Variants in KCNMB4 observed in about 807,000 individuals in gnomAD.
The protein encoded by KCNMB4 is potassium calcium-activated channel subfamily M regulatory beta subunit 4, also known as calcium-activated potassium channel subunit beta-4.
A neutral mutation model predicts 20.7 loss-of-function variants in KCNMB4; 3 were observed. The observed-to-expected ratio is 0.14, with a 90% CI of 0.07 to 0.37. KCNMB4 has a LOEUF of 0.37. Among genes scored for constraint, KCNMB4 ranks in the 10% least tolerant of loss-of-function variants. The pLI, the probability that KCNMB4 is intolerant of heterozygous loss-of-function variation, is 1.00. For missense variants in KCNMB4, 168 were observed against 265.9 expected, an observed-to-expected ratio of 0.63 and a Z score of 2.56; for synonymous variants, 110 against 113.4, an observed-to-expected ratio of 0.97 and a Z score of 0.19.
intron 2 of KCNMB4, among the ~76,000 whole-genome samples, chr12:70,407,378 C>T (rs1868633684): frequency 6.7e-6 from 1 of 149,672 alleles, no homozygotes; most frequent in Admixed American, 6.6e-5. Context: ...TTGATTACAG[C>T]ATTGGCCCTT....
At chr12:70,390,947 C>G (rs4570631) in intron 1 of KCNMB4, among the ~76,000 whole-genome samples, 2 of 152,154 alleles carry the variant, frequency 1.3e-5, no homozygotes, top group Non-Finnish European at 1.5e-5. Flanking sequence ...CCTTTCTGCT[C>G]TATACTACTC....
At chr12:70,391,221 G>A (rs1868296362) in intron 1 of KCNMB4, among the ~76,000 whole-genome samples, 1 of 152,148 alleles carries the variant, frequency 6.6e-6, no homozygotes, top group South Asian at 2.1e-4. Flanking sequence ...AATCTTAGAT[G>A]TCCTGTGATC....
intron 2 of KCNMB4, 120 bp from the exon 3 acceptor site, chr12:70,430,365 A>G: frequency 9.9e-7 from 1 of 1,011,476 alleles, no homozygotes; most frequent in Non-Finnish European, 1.5e-6. Flanking sequence ...TTATAGTCAG[A>G]GTGCAGCCTT....
intron 1 of KCNMB4, among the ~76,000 whole-genome samples, chr12:70,388,815 G>T (rs978312775): frequency 1.3e-5 from 2 of 152,118 alleles, no homozygotes; most frequent in African/African-American, 4.8e-5. Flanking sequence ...CCTTGCATAT[G>T]GTAAGCCTTC....
intron 1 of KCNMB4, among the ~76,000 whole-genome samples, chr12:70,396,894 G>T (rs933459677): frequency 1.3e-5 from 2 of 152,132 alleles, no homozygotes; most frequent in Non-Finnish European, 2.9e-5. Context: ...CCGTGCTTTG[G>T]ACTTTCATTT....
intron 1 of KCNMB4, among the ~76,000 whole-genome samples, chr12:70,383,244 A>T (rs1426877718): frequency 6.6e-6 from 1 of 152,202 alleles, no homozygotes; most frequent in Non-Finnish European, 1.5e-5. Flanking sequence ...ACATCACGTT[A>T]TATACCTTAA....
intron 1 of KCNMB4, among the ~76,000 whole-genome samples, chr12:70,374,925 G>C (rs1883659620): frequency 6.6e-6 from 1 of 152,084 alleles, no homozygotes; most frequent in Non-Finnish European, 1.5e-5. Flanking sequence ...TTTGTTCTTT[G>C]TAATAAATAT....
Position 70,408,176 on chromosome 12 carries a change from C to A in KCNMB4, c.464+7840C>A, listed in dbSNP as rs532566033. Among the ~76,000 whole-genome samples, 9 of 152,150 alleles carry A rather than the reference C, an allele frequency of 5.9e-5. No individual in the cohort carries two copies. In the East Asian group the frequency reaches 1.6e-3, roughly 26 times the overall value. On this transcript the variant is annotated intron_variant, in intron 2 of 2. Coordinates refer to ENST00000258111, the MANE Select transcript of KCNMB4 (RefSeq NM_014505.6). ...CAGCACTCAAGACAGGATTTTTCAG[C>A]GACTCTGGGAAGGCAGGCGTTCGGA...
chr12:70,392,404 G>A (rs1033513966), intron 1 of KCNMB4, among the ~76,000 whole-genome samples: 2 of 152,140 alleles, frequency 1.3e-5, no homozygotes, highest in Non-Finnish European at 1.5e-5. Flanking sequence ...AACCATTGTG[G>A]AAGACAATGT....
intron 2 of KCNMB4, among the ~76,000 whole-genome samples, chr12:70,427,699 T>G (rs1869249063): frequency 6.6e-6 from 1 of 152,238 alleles, no homozygotes; most frequent in Non-Finnish European, 1.5e-5. Context: ...GTTATTATTT[T>G]TCTCTCCTCC....
At chr12:70,367,174 T>C in intron 1 of KCNMB4, 104 bp downstream of exon 1, 1 of 864,814 alleles carries the variant, frequency 1.2e-6, no homozygotes, top group Non-Finnish European at 1.7e-6. Flanking sequence ...CTCGCATTGC[T>C]AGGAGGAGAC....
rs1466761701 is a variant in KCNMB4, at chr12:70,434,042, C to T, written c.*3389C>T. ...GTTTGACTGCTGACATCTTTCAAGA[C>T]TCACCTTTCCCTTCTCCCTTATGCT... is the stretch of plus-strand genomic sequence containing the variant. On this transcript the variant is annotated 3_prime_UTR_variant, in exon 3 of 3. Transcript: ENST00000258111. 1.3e-5 allele frequency: 2 copies of T among 152,188 alleles called. No individual in the cohort carries two copies. The highest frequency in any genetic ancestry group is 4.8e-5 in the African/African-American group (2 of 41,434). The allele number at this position is 152,188 out of a possible 1,614,324, so 9.4% of individuals were successfully genotyped here. A position where few individuals can be genotyped will look rare whatever the true frequency, so the allele number is the denominator to read the frequency against.
intron 2 of KCNMB4, among the ~76,000 whole-genome samples, chr12:70,401,161 G>A (rs774571083): frequency 6.6e-6 from 1 of 152,058 alleles, no homozygotes; most frequent in Non-Finnish European, 1.5e-5. Context: ...GAGTAGCTGG[G>A]ACTACAGGCA....
chr12:70,405,341 A>G (rs76913405), intron 2 of KCNMB4, among the ~76,000 whole-genome samples: 1,536 of 152,354 alleles, frequency 0.01, 5 homozygotes, highest in Middle Eastern at 0.027. Context: ...TTAAATAGAT[A>G]TTTCTCAAAA....
chr12:70,397,090 G>T (rs1032584990), intron 1 of KCNMB4, among the ~76,000 whole-genome samples: 2 of 152,100 alleles, frequency 1.3e-5, no homozygotes, highest in Non-Finnish European at 2.9e-5. Flanking sequence ...AGGTGTGATG[G>T]CTCACACCTG....
intron 1 of KCNMB4, among the ~76,000 whole-genome samples, chr12:70,373,418 A>C (rs1160481642): frequency 2.0e-5 from 3 of 152,204 alleles, no homozygotes; most frequent in Admixed American, 2.0e-4. Context: ...CTTTGAATAC[A>C]GAAGAGGGCC....
chr12:70,422,985 C>A, intron 2 of KCNMB4: 1 of 349,112 alleles, frequency 2.9e-6, no homozygotes, highest in Non-Finnish European at 4.4e-6. Flanking sequence ...TCATCTTAAT[C>A]AGTAGGAAAA....
At chr12:70,413,582 T>G in intron 2 of KCNMB4, among the ~76,000 whole-genome samples, 1 of 152,164 alleles carries the variant, frequency 6.6e-6, no homozygotes, top group East Asian at 1.9e-4. Flanking sequence ...AAAATGGGGC[T>G]AGAAGTCACC....
At chr12:70,408,537 T>G (rs1202303276) in intron 2 of KCNMB4, among the ~76,000 whole-genome samples, 1 of 151,926 alleles carries the variant, frequency 6.6e-6, no homozygotes, top group Non-Finnish European at 1.5e-5. Context: ...CAAGCTGTAT[T>G]CCAGTGTTGA....
Sources: allele counts gnomAD v4.1 joint callset (sites outside exome capture counted in the v4.1 genomes callset), GRCh38; gene constraint gnomAD v4.1.1; transcripts MANE v1.5; gene names NCBI Gene and HGNC (gene_info 2026-07-23, HGNC 2026-07-21).